The following ADAM12 variants were observed in gnomAD, a reference collection of about 807,000 sequenced individuals.
The protein encoded by ADAM12 is ADAM metallopeptidase domain 12.
In ADAM12, 70 loss-of-function variants were observed where a neutral mutation model predicts 106.4. The ratio of observed to expected loss-of-function variants is 0.66; its 90% CI spans 0.54 to 0.80. The LOEUF (loss-of-function observed/expected upper bound fraction) is 0.80. Among genes scored for constraint, ADAM12 ranks in the 30% least tolerant of loss-of-function variants. The probability of loss-of-function intolerance (pLI) is 0.00; values close to 1 mark genes in which losing one functional copy is unlikely to be tolerated. For missense variants in ADAM12, 1,010 were observed against 1,171.9 expected (o/e 0.86, Z 2.02); for synonymous variants, 420 against 433.5 (o/e 0.97, Z 0.39).
chr10:126,215,176 T>C lies in ADAM12; in HGVS notation c.261-59871A>G, dbSNP rs111764802. Among the ~76,000 whole-genome samples the C allele has an allele frequency of 9.3e-3, 1,415 of 152,254 alleles. 28 individuals are homozygous for C. The highest frequency in any genetic ancestry group is 0.033 in the African/African-American group (1,356 of 41,546). On this transcript the variant is annotated intron_variant, in intron 3 of 22. Transcript: ENST00000448723. ...CAGCTGTGGTTCTGGTCTACCTGGG[T>C]CCAAACCAGCTCTGCTCCTGAAGGT...
chr10:126,098,640 T>C (rs1168819006), intron 9 of ADAM12, 140 bp from the exon 10 acceptor site: 1 of 660,908 alleles, frequency 1.5e-6, no homozygotes, highest in African/African-American at 1.8e-5. Context: ...CACATGTGAT[T>C]TTATCTTTTT....
At chr10:126,209,586 A>T (rs1957862268) in intron 3 of ADAM12, among the ~76,000 whole-genome samples, 1 of 152,170 alleles carries the variant, frequency 6.6e-6, no homozygotes. Context: ...AGATTTTACA[A>T]ACTCTGTTGA....
intron 22 of ADAM12, among the ~76,000 whole-genome samples, chr10:126,018,383 A>G (rs1387995054): frequency 6.6e-6 from 1 of 152,182 alleles, no homozygotes; most frequent in African/African-American, 2.4e-5. Flanking sequence ...GTATTTGCCA[A>G]TGTCCATGGT....
intron 2 of ADAM12, among the ~76,000 whole-genome samples, chr10:126,306,042 A>C (rs1183329146): frequency 6.6e-6 from 1 of 151,990 alleles, no homozygotes; most frequent in African/African-American, 2.4e-5. Flanking sequence ...TTGGTTTCTT[A>C]ACCCCATCTG....
chr10:126,235,972 C>A (rs750383395), intron 3 of ADAM12, among the ~76,000 whole-genome samples: 3 of 151,870 alleles, frequency 2.0e-5, no homozygotes, highest in Non-Finnish European at 4.4e-5. Context: ...GGAGCAGAGG[C>A]GAGGGCAGCC....
intron 3 of ADAM12, among the ~76,000 whole-genome samples, chr10:126,197,112 C>T (rs1039851510): frequency 1.3e-5 from 2 of 152,104 alleles, no homozygotes; most frequent in Non-Finnish European, 2.9e-5. Flanking sequence ...ATAAAGAAGA[C>T]ACGGTCCCAG....
In ADAM12 at chr10:126,014,619, G is replaced by A. The variant is rs1953629459; in HGVS notation, c.*2660C>T. On this transcript the variant is annotated 3_prime_UTR_variant, in exon 23 of 23. Transcript: ENST00000448723. Reference sequence around the variant, plus strand: ...TCGGTTGCTACACATCTGATTACATGTGTCAGGAAAACAAACTTAAAAAAT... The same window carrying A: ...TCGGTTGCTACACATCTGATTACATATGTCAGGAAAACAAACTTAAAAAAT... 1 of 152,022 alleles carries A rather than the reference G, an allele frequency of 6.6e-6. No individual in the cohort carries two copies. Among genetic ancestry groups the A allele is most frequent in the African/African-American group, 2.4e-5 (1 of 41,378 alleles). 9.4% of individuals were successfully genotyped at this position (152,022 alleles called of 1,614,324 possible).
At chr10:126,138,407 C>G (rs895249267) in intron 4 of ADAM12, among the ~76,000 whole-genome samples, 3 of 152,138 alleles carry the variant, frequency 2.0e-5, no homozygotes, top group African/African-American at 7.2e-5. Flanking sequence ...CAGAGCCTCG[C>G]TCTGTCACCT....
Position 126,100,958 on chromosome 10 carries a change from C to A in ADAM12, c.911+114G>T. The A allele has an allele frequency of 3.5e-6, 4 of 1,158,674 alleles. No homozygotes were observed. The South Asian group carries it at 6.2e-5, about 18-fold the overall frequency. The allele number at this position is 1,158,674 out of a possible 1,614,324, so 71.8% of individuals were successfully genotyped here. ...GTGTGAGCTGAGAAGCCCCCTTGCA[C>A]AAGGCAGTGTGCTCTGCAGAAAGGT... On this transcript the variant is annotated intron_variant, in intron 9 of 22. Coordinates refer to ENST00000448723, the MANE Select transcript of ADAM12 (RefSeq NM_001288973.2).
chr10:126,167,531 G>A (rs1326713041), intron 3 of ADAM12, among the ~76,000 whole-genome samples: 1 of 152,180 alleles, frequency 6.6e-6, no homozygotes, highest in Non-Finnish European at 1.5e-5. Flanking sequence ...TCAGGATTCT[G>A]TTTGCCTCTA....
intron 1 of ADAM12, among the ~76,000 whole-genome samples, chr10:126,355,625 G>A (rs185446582): frequency 6.6e-5 from 10 of 152,302 alleles, no homozygotes; most frequent in Non-Finnish European, 1.5e-4. Flanking sequence ...ATGCCTCAGG[G>A]CCCATGGTTT....
At chr10:126,103,689 C>T (rs575278701) in intron 8 of ADAM12, among the ~76,000 whole-genome samples, 1 of 152,274 alleles carries the variant, frequency 6.6e-6, no homozygotes, top group South Asian at 2.1e-4. Context: ...ACCCCAGGCC[C>T]GGAGAGAAGC....
intron 3 of ADAM12, among the ~76,000 whole-genome samples, chr10:126,213,118 A>C (rs558301996): frequency 1.3e-4 from 20 of 152,290 alleles, no homozygotes; most frequent in Non-Finnish European, 2.8e-4. Flanking sequence ...GCAGATAATA[A>C]GTGCTCAATA....
At chr10:126,118,602 A>C (rs1278394) in intron 5 of ADAM12, among the ~76,000 whole-genome samples, 85,878 of 152,128 alleles carry the variant, frequency 0.56, 24,311 homozygotes, top group Non-Finnish European at 0.59. Context: ...TTTCAAAAGG[A>C]AAATGTTTAC....
chr10:126,303,996 A>G (rs548460797), intron 2 of ADAM12, among the ~76,000 whole-genome samples: 2 of 152,298 alleles, frequency 1.3e-5, no homozygotes, highest in East Asian at 3.9e-4. Context: ...ATTGAGCTGT[A>G]ATACCTTAAC....
At chr10:126,188,514 G>A (rs1439245716) in intron 3 of ADAM12, among the ~76,000 whole-genome samples, 1 of 152,094 alleles carries the variant, frequency 6.6e-6, no homozygotes, top group East Asian at 1.9e-4. Context: ...TGCATTTGGT[G>A]GGCACAAGGA....
At chr10:126,302,641 G>A (rs1004368889) in intron 2 of ADAM12, among the ~76,000 whole-genome samples, 5 of 152,098 alleles carry the variant, frequency 3.3e-5, no homozygotes, top group African/African-American at 9.7e-5. Flanking sequence ...AAGCACAGTT[G>A]TCTCCTGTCT....
chr10:126,212,365 A>G (rs1957918535), intron 3 of ADAM12, among the ~76,000 whole-genome samples: 1 of 152,200 alleles, frequency 6.6e-6, no homozygotes, highest in Non-Finnish European at 1.5e-5. Flanking sequence ...AAGTGACCAA[A>G]ATCTACTAAT....
intron 1 of ADAM12, among the ~76,000 whole-genome samples, chr10:126,351,993 G>A (rs1023101357): frequency 3.3e-5 from 5 of 152,096 alleles, no homozygotes; most frequent in African/African-American, 1.2e-4. Context: ...GGACTTCACT[G>A]AAGACCTCCG....
Sources: allele counts gnomAD v4.1 joint callset (sites outside exome capture counted in the v4.1 genomes callset), GRCh38; gene constraint gnomAD v4.1.1; transcripts MANE v1.5; gene names NCBI Gene and HGNC (gene_info 2026-07-23, HGNC 2026-07-21).